Variants in EPS15 observed in about 807,000 individuals in gnomAD.
EPS15 encodes epidermal growth factor receptor pathway substrate 15.
A neutral mutation model predicts 113.8 loss-of-function variants in EPS15; 72 were observed. The ratio of observed to expected loss-of-function variants is 0.63; its 90% CI spans 0.52 to 0.77. The LOEUF (loss-of-function observed/expected upper bound fraction) is 0.77. Among genes scored for constraint, EPS15 ranks in the 30% least tolerant of loss-of-function variants. The probability of loss-of-function intolerance (pLI) is 0.00; values close to 1 mark genes in which losing one functional copy is unlikely to be tolerated. For synonymous variants in EPS15, 344 were observed against 363.4 expected (o/e 0.95, Z 0.61); for missense variants, 1,048 against 1,045.8 (o/e 1.00, Z -0.03).
At chr1:51,415,934 C>T (rs1650182135) in intron 13 of EPS15, among the ~76,000 whole-genome samples, 1 of 150,722 alleles carries the variant, frequency 6.6e-6, no homozygotes, top group South Asian at 2.1e-4. Flanking sequence ...AATATACATG[C>T]TAATAACAAA....
intron 21 of EPS15, among the ~76,000 whole-genome samples, chr1:51,378,112 G>T (rs34534391): frequency 0.056 from 8,572 of 151,970 alleles, 336 homozygotes; most frequent in Non-Finnish European, 0.086. Context: ...GCGCAGGCTG[G>T]TCTTGAACTC....
At chr1:51,428,861 G>A (rs1482246807) in intron 12 of EPS15, among the ~76,000 whole-genome samples, 2 of 150,492 alleles carry the variant, frequency 1.3e-5, no homozygotes, top group Non-Finnish European at 3.0e-5. Context: ...TGAGGGTAAG[G>A]CAGAGGAGAG....
rs145092633 is a variant in EPS15 at position 51,451,392 on chromosome 1, G to C, written c.562-3257C>G. On this transcript the variant is annotated intron_variant, in intron 8 of 24. Coordinates refer to ENST00000371733, the MANE Select transcript of EPS15 (RefSeq NM_001981.3). ...TGTAATCCCAGCTACTTGGGAGGCT[G>C]GGGCAGGAGAATTGATTGACCTTGG... is the stretch of plus-strand genomic sequence containing the variant. 7.2e-4 allele frequency among the ~76,000 whole-genome samples: 108 copies of C among 151,016 alleles called. 7 individuals are homozygous for C. Among genetic ancestry groups the C allele is most frequent in the African/African-American group, 2.6e-3 (106 of 40,788 alleles).
intron 4 of EPS15, among the ~76,000 whole-genome samples, chr1:51,469,182 G>A (rs1655072372): frequency 1.3e-5 from 2 of 151,908 alleles, no homozygotes; most frequent in African/African-American, 2.4e-5. Flanking sequence ...ATTAAGAGAT[G>A]TATTTTATCA....
At chr1:51,429,991 G>A (rs1651574192) in intron 12 of EPS15, among the ~76,000 whole-genome samples, 2 of 152,080 alleles carry the variant, frequency 1.3e-5, no homozygotes, top group Admixed American at 1.3e-4. Flanking sequence ...GAGTCCCTTA[G>A]AGGTTTCTGA....
intron 24 of EPS15, among the ~76,000 whole-genome samples, chr1:51,358,613 A>G (rs1646297502): frequency 6.6e-6 from 1 of 151,870 alleles, no homozygotes. Flanking sequence ...AGATGTTCTT[A>G]TTATAAGCTG....
At chr1:51,450,449 G>A (rs1416949105) in intron 8 of EPS15, among the ~76,000 whole-genome samples, 1 of 151,714 alleles carries the variant, frequency 6.6e-6, no homozygotes, top group South Asian at 2.1e-4. Flanking sequence ...GCAAGAGCAG[G>A]AGCAAGAGCA....
intron 21 of EPS15, chr1:51,372,426 G>A: frequency 1.9e-6 from 1 of 534,620 alleles, no homozygotes; most frequent in South Asian, 1.4e-5. Flanking sequence ...CAACAGTTCT[G>A]GAGTCCCTTT....
chr1:51,479,936 A>T (rs1373326429), intron 2 of EPS15, among the ~76,000 whole-genome samples: 1 of 152,228 alleles, frequency 6.6e-6, no homozygotes, highest in African/African-American at 2.4e-5. Context: ...AATCTGGGAA[A>T]CCTCAAGATG....
intron 21 of EPS15, among the ~76,000 whole-genome samples, chr1:51,377,966 G>C (rs547599855): frequency 1.2e-3 from 186 of 149,106 alleles, no homozygotes; most frequent in Middle Eastern, 3.4e-3. Flanking sequence ...CACTATCTCA[G>C]CTCACTGCAA....
chr1:51,418,388 CA>C (rs1479303457), intron 13 of EPS15, among the ~76,000 whole-genome samples: 1 of 151,914 alleles, frequency 6.6e-6, no homozygotes, highest in East Asian at 1.9e-4. Context: ...GTACCTAATA[CA>C]AGAAGGACGA....
At chr1:51,518,529 C>G (rs1301441374) in intron 1 of EPS15, 5 of 152,832 alleles carry the variant, frequency 3.3e-5, no homozygotes, top group Admixed American at 1.3e-4. Flanking sequence ...AGAAGGAAAC[C>G]TGATCAGGAG....
At chr1:51,364,463 G>A (rs898306553) in intron 22 of EPS15, among the ~76,000 whole-genome samples, 1 of 151,680 alleles carries the variant, frequency 6.6e-6, no homozygotes, top group Non-Finnish European at 1.5e-5. Context: ...CAAGGAAAAT[G>A]GCATCTTGAC....
chr1:51,418,464 C>G (rs1160246611), intron 13 of EPS15, among the ~76,000 whole-genome samples: 1 of 151,864 alleles, frequency 6.6e-6, no homozygotes, highest in East Asian at 1.9e-4. Context: ...TATGGGCAAG[C>G]AGCAGACTGT....
At chr1:51,480,667 C>T (rs1644004521) in intron 2 of EPS15, among the ~76,000 whole-genome samples, 1 of 152,162 alleles carries the variant, frequency 6.6e-6, no homozygotes, top group Admixed American at 6.5e-5. Context: ...GCATGCACCA[C>T]CAAACCCAGC....
intron 20 of EPS15, 106 bp from the exon 21 acceptor site, chr1:51,394,553 G>A: frequency 7.1e-6 from 4 of 565,754 alleles, no homozygotes; most frequent in Middle Eastern, 2.7e-4. Flanking sequence ...AATTAATTAA[G>A]GAATATAGAC....
chr1:51,438,081 T>C (rs1259686701), intron 12 of EPS15, among the ~76,000 whole-genome samples: 1 of 152,188 alleles, frequency 6.6e-6, no homozygotes, highest in Non-Finnish European at 1.5e-5. Flanking sequence ...TTTTAACAAC[T>C]ATAATTTTAG....
chr1:51,400,712 C>CAAAAAAAAAAAAAAA (rs375748381), intron 19 of EPS15, among the ~76,000 whole-genome samples: 53 of 60,140 alleles, frequency 8.8e-4, no homozygotes, highest in Non-Finnish European at 1.2e-3. Flanking sequence ...CAAAAAACAC[C>CAAAAAAAAAAAAAAA]AAAAAAAAAA....
intron 8 of EPS15, among the ~76,000 whole-genome samples, chr1:51,450,900 T>C (rs901508244): frequency 7.2e-5 from 11 of 152,032 alleles, no homozygotes; most frequent in African/African-American, 2.7e-4. Context: ...TGAAATACTA[T>C]AAAGCATTAA....
Sources: gnomAD v4.1 joint callset for allele counts (sites outside exome capture counted in the v4.1 genomes callset) on GRCh38, gnomAD v4.1.1 for gene constraint, MANE v1.5 for transcripts, NCBI Gene and HGNC (gene_info 2026-07-23, HGNC 2026-07-21) for gene names.